Variants in VEGFA observed in about 807,000 individuals in gnomAD.
VEGFA encodes vascular endothelial growth factor A, long form.
Under a neutral mutation model 49.7 loss-of-function variants are expected in VEGFA, and 20 were observed. That is an observed-to-expected ratio of 0.40 (90% CI 0.28 to 0.58). VEGFA has a LOEUF of 0.58. Among genes scored for constraint, VEGFA ranks in the 20% least tolerant of loss-of-function variants. VEGFA has a pLI of 0.40. For missense variants in VEGFA, 505 were observed against 553.5 expected (o/e 0.91, Z 0.88); for synonymous variants, 219 against 223.4 (o/e 0.98, Z 0.18).
At position 43,781,958 on chromosome 6, in the gene VEGFA, C is replaced by A. The variant is rs758505735; in HGVS notation, c.1037C>A (p.Pro346His). ...TCTTTCCTTTTGCCTTTTTGCAGTC[C>A]CTGTGGGCCTTGCTCAGAGCGGAGA... The change falls in exon 7 of 8, where the codon CCC becomes CAC. Residue 346 changes from proline to histidine, a missense_variant and splice_region_variant. By Grantham distance (77) the Pro-to-His change is moderately conservative. This residue lies in a region of VEGFA where 165 missense variants were observed against 231.7 expected (regional missense o/e 0.71). Transcript: ENST00000672860. The A allele has an allele frequency of 3.1e-6, 5 of 1,613,876 alleles. No homozygotes were observed. In the South Asian group the frequency reaches 4.4e-5, roughly 14 times the overall value.
At chr6:43,782,597 C>T (rs1425857938) in intron 7 of VEGFA, 1 of 235,586 alleles carries the variant, frequency 4.2e-6, no homozygotes, top group Non-Finnish European at 8.5e-6. Flanking sequence ...ATTGAGTCTC[C>T]CACTTCAGAC....
chr6:43,784,786 G>A lies in VEGFA; in HGVS notation c.*224G>A, dbSNP rs529074549. ...GACTCCGGCGGAAGCATTCCCGGGC[G>A]GGTGACCCAGCACGGTCCCTCTTGG... is the stretch of plus-strand genomic sequence containing the variant. On this transcript the variant is annotated 3_prime_UTR_variant, in exon 8 of 8. Transcript: ENST00000672860. 10 of 764,642 alleles carry A rather than the reference G, an allele frequency of 1.3e-5. No individual in the cohort carries two copies. Among genetic ancestry groups the A allele is most frequent in the Middle Eastern group, 2.5e-4 (1 of 4,042 alleles). 47.4% of individuals were successfully genotyped at this position (764,642 alleles called of 1,614,324 possible).
chr6:43,781,851 TG>T, intron 6 of VEGFA, 104 bp from the exon 7 acceptor site: 3 of 1,433,496 alleles, frequency 2.1e-6, no homozygotes, highest in Non-Finnish European at 1.9e-6. Context: ...ACCGGCTGGG[TG>T]GGGGTGCAGC....
chr6:43,777,711 G>GCCCCCGCCCCCCCCC lies in VEGFA; in HGVS notation c.855+46_855+47insCCCCCGCCCCCCCCC. ...GGGCAAGGGGGGGATAGGGAGGGGG[G>GCCCCCGCCCCCCCCC]TAACACTTTGGGAACAGGTGGTCCC... On this transcript the variant is annotated intron_variant, in intron 3 of 7. Coordinates refer to ENST00000672860, the MANE Select transcript of VEGFA (RefSeq NM_003376.6). This position sits in a 1 kb window ranked among gnomAD's most constrained non-coding sequence, Gnocchi z 4.3. 1.7e-6 allele frequency: 1 copy of GCCCCCGCCCCCCCCC among 588,466 alleles called. No individual in the cohort carries two copies. Among genetic ancestry groups the GCCCCCGCCCCCCCCC allele is most frequent in the Non-Finnish European group, 3.2e-6 (1 of 314,252 alleles). 36.5% of individuals were successfully genotyped at this position (588,466 alleles called of 1,614,324 possible).
Position 43,784,799 on chromosome 6 carries a change from C to T in VEGFA, c.*237C>T, listed in dbSNP as rs3025039. 0.14 allele frequency: 100,110 copies of T among 701,944 alleles called. 7,913 individuals carry two copies. Among genetic ancestry groups the T allele is most frequent in the Admixed American group, 0.24 (11,208 of 46,800 alleles). The allele number at this position is 701,944 out of a possible 1,614,324, so 43.5% of individuals were successfully genotyped here. Reference sequence around the variant, plus strand: ...GCATTCCCGGGCGGGTGACCCAGCACGGTCCCTCTTGGAATTGGATTCGCC... The same window carrying T: ...GCATTCCCGGGCGGGTGACCCAGCATGGTCCCTCTTGGAATTGGATTCGCC... On this transcript the variant is annotated 3_prime_UTR_variant, in exon 8 of 8. Coordinates refer to ENST00000672860, the MANE Select transcript of VEGFA (RefSeq NM_003376.6).
At chr6:43,774,294 C>T (rs755849433) in intron 1 of VEGFA, 47 bp from the exon 2 acceptor site, 1 of 1,602,584 alleles carries the variant, frequency 6.2e-7, no homozygotes, top group Admixed American at 1.7e-5. Context: ...GGCCTGTGCA[C>T]CCCAGCCCCT....
At chr6:43,775,724 T>C (rs764237777) in intron 2 of VEGFA, 1 of 152,226 alleles carries the variant, frequency 6.6e-6, no homozygotes, top group African/African-American at 2.4e-5. Flanking sequence ...CTTTTCAGAC[T>C]TCTAGTCTCG....
chr6:43,772,064 C>A, intron 1 of VEGFA: 2 of 985,478 alleles, frequency 2.0e-6, no homozygotes, highest in Non-Finnish European at 2.4e-6. Flanking sequence ...CGGCACCCCT[C>A]CCCCCGCCAG....
chr6:43,781,857 T>A (rs1582527067), intron 6 of VEGFA, 99 bp from the exon 7 acceptor site: 1 of 1,497,700 alleles, frequency 6.7e-7, no homozygotes, highest in South Asian at 1.2e-5. Context: ...TGGGTGGGGG[T>A]GCAGCTGCGG....
At position 43,777,764 on chromosome 6, in the gene VEGFA, G is replaced by T. The variant is rs541724233; in HGVS notation, c.855+99G>T. The T allele has an allele frequency of 3.0e-6, 4 of 1,340,686 alleles. No individual in the cohort carries two copies. Among genetic ancestry groups the T allele is most frequent in the South Asian group, 2.7e-5 (2 of 73,464 alleles). 83.0% of individuals were successfully genotyped at this position (1,340,686 alleles called of 1,614,324 possible). On this transcript the variant is annotated intron_variant, in intron 3 of 7. Transcript: ENST00000672860. This position sits in a 1 kb window ranked among gnomAD's most constrained non-coding sequence, Gnocchi z 4.3. ...GTCGTTTCCTGGCTAGATTTGCCTT[G>T]TCTGGCTCCTGCCCCTGAGTTGCAC...
chr6:43,780,833 C>A, intron 6 of VEGFA, 30 bp downstream of exon 6: 1 of 1,613,786 alleles, frequency 6.2e-7, no homozygotes, highest in African/African-American at 1.3e-5. Flanking sequence ...TGTCTAATGC[C>A]CTGGAGCCTC....
intron 5 of VEGFA, chr6:43,779,611 C>T: frequency 4.5e-6 from 2 of 443,862 alleles, no homozygotes; most frequent in Admixed American, 2.4e-5. Flanking sequence ...CTGCCCTTTC[C>T]CCCACACCAT....
At position 43,784,553 on chromosome 6, in the gene VEGFA, G is replaced by C; in HGVS notation, c.1179G>C (p.Pro393=). The change falls in exon 8 of 8, where the codon CCG becomes CCC. Residue 393 remains proline, a synonymous_variant. Coordinates refer to ENST00000672860, the MANE Select transcript of VEGFA (RefSeq NM_003376.6). ...CCATTTCCCTCAGATGTGACAAGCC[G>C]AGGCGGTGAGCCGGGCAGGAGGAAG... 6.2e-7 allele frequency: 1 copy of C among 1,614,216 alleles called. No homozygotes were observed. The highest frequency in any genetic ancestry group is 2.2e-5 in the East Asian group (1 of 44,886).
chr6:43,782,169 C>T (rs1173486079), intron 7 of VEGFA, 82 bp downstream of exon 7: 26 of 1,576,042 alleles, frequency 1.6e-5, no homozygotes, highest in Admixed American at 3.4e-5. Context: ...AGTGAGCGAG[C>T]GAGCGAGCGG....
Position 43,771,015 on chromosome 6 carries a change from G to A in VEGFA, c.309G>A (p.Glu103=), listed in dbSNP as rs1028208304. The A allele has an allele frequency of 3.3e-6, 5 of 1,538,204 alleles. No individual in the cohort carries two copies. Among genetic ancestry groups the A allele is most frequent in the African/African-American group, 1.4e-5 (1 of 71,478 alleles). Residue 103 remains glutamate (E), a synonymous_variant, in exon 1 of 8, where the codon GAG becomes GAA. Coordinates refer to ENST00000672860, the MANE Select transcript of VEGFA (RefSeq NM_003376.6). ...GGGAGGAGGAAGAAGAGAAGGAAGA[G>A]GAGAGGGGGCCGCAGTGGCGACTCG...
At chr6:43,772,959 G>T (rs183312012) in intron 1 of VEGFA, among the ~76,000 whole-genome samples, 3 of 152,306 alleles carry the variant, frequency 2.0e-5, no homozygotes, top group Non-Finnish European at 4.4e-5. Context: ...CTTGGAAGGG[G>T]TATGAAATTT....
At chr6:43,772,580 T>G (rs1293088517) in intron 1 of VEGFA, among the ~76,000 whole-genome samples, 4 of 152,184 alleles carry the variant, frequency 2.6e-5, no homozygotes, top group Non-Finnish European at 5.9e-5. Flanking sequence ...GGAAAGGAGC[T>G]CCTGCCAGCC....
At chr6:43,776,757 T>G (rs536269651) in intron 2 of VEGFA, 4 of 156,168 alleles carry the variant, frequency 2.6e-5, no homozygotes, top group African/African-American at 7.2e-5. Flanking sequence ...GAAAGGTGCC[T>G]CCTCCTGAAA....
chr6:43,783,047 A>C (rs1768417332), intron 7 of VEGFA: 1 of 152,184 alleles, frequency 6.6e-6, no homozygotes, highest in Non-Finnish European at 1.5e-5. Flanking sequence ...TCCTTTGCCC[A>C]TACTGGGGAC....
Sources: gnomAD v4.1 joint callset for allele counts (sites outside exome capture counted in the v4.1 genomes callset) on GRCh38, gnomAD v4.1.1 for gene constraint, gnomAD v4.1.1 regional missense constraint, Gnocchi (gnomAD v3.1) non-coding constraint, MANE v1.5 for transcripts, NCBI Gene and HGNC (gene_info 2026-07-23, HGNC 2026-07-21) for gene names.